Variants in MIF4GD observed in about 807,000 individuals in gnomAD.
The protein encoded by MIF4GD is MIF4G domain-containing protein.
In MIF4GD, 22 loss-of-function variants were observed where a neutral mutation model predicts 26.7. The ratio of observed to expected loss-of-function variants is 0.82; its 90% confidence interval spans 0.59 to 1.18. The LOEUF is 1.18. Among genes scored for constraint, MIF4GD ranks in the 50% most tolerant of loss-of-function variants. The probability of loss-of-function intolerance (pLI) is 0.00; values close to 1 mark genes in which losing one functional copy is unlikely to be tolerated. For missense variants in MIF4GD, 262 were observed against 279.6 expected, an observed-to-expected ratio of 0.94 and a Z score of 0.45; for synonymous variants, 137 against 111.6, an observed-to-expected ratio of 1.23 and a Z score of -1.43.
chr17:75,268,864 C>G (rs1809102992), intron 2 of MIF4GD, among the ~76,000 whole-genome samples: 3 of 151,328 alleles, frequency 2.0e-5, no homozygotes, highest in South Asian at 2.1e-4. Context: ...ATAAGCTGGG[C>G]ACGGTGGCGG....
At position 75,267,178 on chromosome 17, in the gene MIF4GD, C is replaced by G. The variant is rs868069948; in HGVS notation, c.442-211G>C. Among the ~76,000 whole-genome samples, 8 of 152,346 alleles carry G rather than the reference C, an allele frequency of 5.3e-5. No homozygotes were observed. In the East Asian group the frequency reaches 1.2e-3, roughly 22 times the overall value. On this transcript the variant is annotated intron_variant, in intron 5 of 5. Coordinates refer to ENST00000325102, the MANE Select transcript of MIF4GD (RefSeq NM_001370592.1). ...CTCATCTGGCCAGGCTCCACTCAAG[C>G]CTGTCTCCAAACCACTTCTTCATCC...
Position 75,266,598 on chromosome 17 carries a change from C to A in MIF4GD, c.*142G>T. 2.6e-6 allele frequency: 2 copies of A among 775,912 alleles called. No individual in the cohort carries two copies. Among genetic ancestry groups the A allele is most frequent in the South Asian group, 3.3e-5 (2 of 60,102 alleles). The allele number at this position is 775,912 out of a possible 1,614,324, so 48.1% of individuals were successfully genotyped here. ...CACGGCATAAGTGGGAAACATCTCA[C>A]CAGGAGATGGGAAAGTCTAGAAGGG... is the stretch of plus-strand genomic sequence containing the variant. On this transcript the variant is annotated 3_prime_UTR_variant, in exon 6 of 6. Coordinates refer to ENST00000325102, the MANE Select transcript of MIF4GD (RefSeq NM_001370592.1).
chr17:75,267,480 G>A (rs367889584), intron 5 of MIF4GD, 58 bp downstream of exon 5: 59 of 1,550,332 alleles, frequency 3.8e-5, no homozygotes, highest in South Asian at 2.4e-4. Context: ...ACACACGGCT[G>A]AGCTGGACTG....
chr17:75,266,586 G>A lies in MIF4GD; in HGVS notation c.*154C>T. ...TCAGGGCAGGACCACGGCATAAGTG[G>A]GAAACATCTCACCAGGAGATGGGAA... On this transcript the variant is annotated 3_prime_UTR_variant, in exon 6 of 6. Transcript: ENST00000325102. 1 of 730,450 alleles carries A rather than the reference G, an allele frequency of 1.4e-6. No individual in the cohort carries two copies. Among genetic ancestry groups the A allele is most frequent in the South Asian group, 1.7e-5 (1 of 57,590 alleles). The allele number at this position is 730,450 out of a possible 1,614,324, so 45.2% of individuals were successfully genotyped here.
Position 75,266,504 on chromosome 17 carries a change from C to A in MIF4GD, c.*236G>T, listed in dbSNP as rs546142468. ...CACTAATGGTTACACAGTGCAGTGG[C>A]TCTTGGGAGTTGCCCTTCTCTGCCT... On this transcript the variant is annotated 3_prime_UTR_variant, in exon 6 of 6. Coordinates refer to ENST00000325102, the MANE Select transcript of MIF4GD (RefSeq NM_001370592.1). 2 of 583,162 alleles carry A rather than the reference C, an allele frequency of 3.4e-6. No homozygotes were observed. Among genetic ancestry groups the A allele is most frequent in the African/African-American group, 3.7e-5 (2 of 53,588 alleles). The allele number at this position is 583,162 out of a possible 1,614,324, so 36.1% of individuals were successfully genotyped here.
At chr17:75,269,219 T>C (rs1463150653) in intron 2 of MIF4GD, 2 of 1,015,006 alleles carry the variant, frequency 2.0e-6, no homozygotes, top group Non-Finnish European at 2.8e-6. Flanking sequence ...CCAACAGCAA[T>C]TTCACAAGAA....
At position 75,270,041 on chromosome 17, in the gene MIF4GD, A is replaced by G; in HGVS notation, c.82+73T>C. The G allele has an allele frequency of 1.5e-6, 2 of 1,307,214 alleles. No homozygotes were observed. The highest frequency in any genetic ancestry group is 2.4e-5 in the South Asian group (2 of 84,160). 81.0% of individuals were successfully genotyped at this position (1,307,214 alleles called of 1,614,324 possible). A position where few individuals can be genotyped will look rare whatever the true frequency, so the allele number is the denominator to read the frequency against. On this transcript the variant is annotated intron_variant, in intron 2 of 5. Coordinates refer to ENST00000325102, the MANE Select transcript of MIF4GD (RefSeq NM_001370592.1). This position sits in a 1 kb window ranked among gnomAD's most constrained non-coding sequence, Gnocchi z 5.7. ...AGGGGTGGAGGCATTCACCAGGCTC[A>G]GCCTCTGGTGCTGCCCACAGGGGCC...
intron 2 of MIF4GD, 39 bp from the exon 3 acceptor site, chr17:75,268,231 T>G: frequency 6.7e-7 from 1 of 1,494,130 alleles, no homozygotes; most frequent in Non-Finnish European, 9.3e-7. Flanking sequence ...GAGCTGCTGC[T>G]TTATCACATT....
At chr17:75,267,999 A>T in intron 3 of MIF4GD, 84 bp downstream of exon 3, 1 of 1,605,062 alleles carries the variant, frequency 6.2e-7, no homozygotes, top group South Asian at 1.1e-5. Flanking sequence ...GACCCTGTGC[A>T]TCTCTGTCCT....
chr17:75,267,432 T>A (rs774934079), intron 5 of MIF4GD, 106 bp downstream of exon 5: 6 of 1,120,714 alleles, frequency 5.4e-6, no homozygotes, highest in South Asian at 1.4e-5. Context: ...GCCCCAGAAG[T>A]GACACAGTCC....
Position 75,266,549 on chromosome 17 carries a change from G to A in MIF4GD, c.*191C>T. On this transcript the variant is annotated 3_prime_UTR_variant, in exon 6 of 6. Coordinates refer to ENST00000325102, the MANE Select transcript of MIF4GD (RefSeq NM_001370592.1). ...CTGCCTGGCCGTGGTGGGTTGTGGT[G>A]GGGAAAGGGGCTCAGGGCAGGACCA... The A allele has an allele frequency of 1.6e-6, 1 of 624,666 alleles. No homozygotes were observed. Among genetic ancestry groups the A allele is most frequent in the Non-Finnish European group, 2.8e-6 (1 of 355,368 alleles). The allele number at this position is 624,666 out of a possible 1,614,324, so 38.7% of individuals were successfully genotyped here. A position where few individuals can be genotyped will look rare whatever the true frequency, so the allele number is the denominator to read the frequency against.
intron 3 of MIF4GD, 57 bp from the exon 4 acceptor site, chr17:75,267,958 C>G: frequency 1.9e-6 from 3 of 1,598,532 alleles, no homozygotes; most frequent in Middle Eastern, 2.1e-4. Context: ...GTAACCCCAC[C>G]CATCCTATGC....
At position 75,270,945 on chromosome 17, in the gene MIF4GD, G is replaced by A. The variant is rs1006224675; in HGVS notation, c.-51+199C>T. The A allele has an allele frequency of 3.9e-5, 6 of 152,262 alleles. No homozygotes were observed. Among genetic ancestry groups the A allele is most frequent in the African/African-American group, 1.4e-4 (6 of 41,458 alleles). The allele number at this position is 152,262 out of a possible 1,614,324, so 9.4% of individuals were successfully genotyped here. ...CCATTCTGGAGCCTTCCTCTTACTG[G>A]GGGGCAGGATGATGCGCCCCGGAGA... On this transcript the variant is annotated intron_variant, in intron 1 of 5. Transcript: ENST00000325102. This position sits in a 1 kb window ranked among gnomAD's most constrained non-coding sequence, Gnocchi z 5.7.
At chr17:75,267,299 G>T (rs902521168) in intron 5 of MIF4GD, among the ~76,000 whole-genome samples, 1 of 152,168 alleles carries the variant, frequency 6.6e-6, no homozygotes, top group Non-Finnish European at 1.5e-5. Context: ...GCCATCATAC[G>T]TTGGCTTTCT....
Position 75,267,903 on chromosome 17 carries a change from T to G in MIF4GD, c.193-2A>C. ...CTGGCCTGCTTGTTTACTCTCTGCC[T>G]GTGAGCCAGGGAGAGGAAGGTGAAG... On this transcript the variant is annotated splice_acceptor_variant, in intron 3 of 5. Coordinates refer to ENST00000325102, the MANE Select transcript of MIF4GD (RefSeq NM_001370592.1). LOFTEE classifies it high-confidence loss of function. 6.2e-7 allele frequency: 1 copy of G among 1,610,768 alleles called. No individual in the cohort carries two copies. The highest frequency in any genetic ancestry group is 8.5e-7 in the Non-Finnish European group (1 of 1,178,598).
At position 75,270,316 on chromosome 17, in the gene MIF4GD, G is replaced by A. The variant is rs1218434453; in HGVS notation, c.-50-71C>T. On this transcript the variant is annotated intron_variant, in intron 1 of 5. Coordinates refer to ENST00000325102, the MANE Select transcript of MIF4GD (RefSeq NM_001370592.1). This position sits in a 1 kb window ranked among gnomAD's most constrained non-coding sequence, Gnocchi z 5.7. ...GGCGGGTTCCGTCCTGCAGGCCCTGGACGGGGCTGACGGCGCGCTCGGGAC... is the reference window on the plus strand; with the variant it reads ...GGCGGGTTCCGTCCTGCAGGCCCTGAACGGGGCTGACGGCGCGCTCGGGAC... 4.8e-6 allele frequency: 4 copies of A among 830,872 alleles called. No individual in the cohort carries two copies. The African/African-American group carries it at 6.8e-5, about 14-fold the overall frequency. The allele number at this position is 830,872 out of a possible 1,614,324, so 51.5% of individuals were successfully genotyped here.
At chr17:75,268,061 C>T (rs2077568480) in intron 3 of MIF4GD, 22 bp downstream of exon 3, 3 of 1,612,618 alleles carry the variant, frequency 1.9e-6, no homozygotes, top group South Asian at 1.1e-5. Flanking sequence ...AAGCAGCTTC[C>T]TTTCCTCTCC....
rs569568177 is a variant in MIF4GD, at chr17:75,268,563, T to G, written c.83-371A>C. Among the ~76,000 whole-genome samples, 122 of 150,972 alleles carry G rather than the reference T, an allele frequency of 8.1e-4. 2 individuals are homozygous for G. The South Asian group carries it at 0.015, about 19-fold the overall frequency. ...CGTCATCTCATGTCATCCAAGCTAC[T>G]TGGGAGGCTAGGGCAGGAGAATCGC... On this transcript the variant is annotated intron_variant, in intron 2 of 5. Coordinates refer to ENST00000325102, the MANE Select transcript of MIF4GD (RefSeq NM_001370592.1).
intron 2 of MIF4GD, chr17:75,269,368 G>A (rs1486069825): frequency 1.9e-6 from 3 of 1,614,058 alleles, no homozygotes; most frequent in Admixed American, 1.7e-5. Flanking sequence ...GTGTTACAGC[G>A]GGAAGGCATC....
Sources: gnomAD v4.1 joint callset for allele counts (sites outside exome capture counted in the v4.1 genomes callset) on GRCh38, gnomAD v4.1.1 for gene constraint, Gnocchi (gnomAD v3.1) non-coding constraint, MANE v1.5 for transcripts, NCBI Gene and HGNC (gene_info 2026-07-23, HGNC 2026-07-21) for gene names.